The following ANKRD30B variants were observed in gnomAD, a reference collection of about 807,000 sequenced individuals.
The protein encoded by ANKRD30B is ankyrin repeat domain 30B.
ANKRD30B carries 144 observed loss-of-function variants against 202.2 expected under a neutral mutation model. That is an observed-to-expected ratio of 0.71 (90% CI 0.62 to 0.82). The LOEUF is 0.82. Ranked by LOEUF, ANKRD30B falls within the 40% of genes least tolerant of loss-of-function variation. ANKRD30B has a pLI of 0.00. For synonymous variants in ANKRD30B, 508 were observed against 561.3 expected, an observed-to-expected ratio of 0.91 and a Z score of 1.34; for missense variants, 1,487 against 1,669.1, an observed-to-expected ratio of 0.89 and a Z score of 1.90.
At chr18:14,766,605 T>C (rs1177602245) in intron 7 of ANKRD30B, among the ~76,000 whole-genome samples, 1 of 151,732 alleles carries the variant, frequency 6.6e-6, no homozygotes. Context: ...GAAACATTCA[T>C]GTGGGATATT....
chr18:14,758,051 G>A (rs1914656895), intron 5 of ANKRD30B, 99 bp downstream of exon 5: 2 of 1,348,394 alleles, frequency 1.5e-6, no homozygotes, highest in Admixed American at 2.5e-5. Flanking sequence ...CCAGAAACTA[G>A]GCAAAAAGCC....
At chr18:14,914,853 CAT>C in the ANKRD30B span, among the ~76,000 whole-genome samples, 1 of 152,118 alleles carries the variant, frequency 6.6e-6, no homozygotes, top group East Asian at 1.9e-4. Context: ...GGCCATTGGA[CAT>C]AGGGGTCTGA....
In ANKRD30B at chr18:14,786,307, A is replaced by C. The variant is rs575865181; in HGVS notation, c.1673-732A>C. Among the ~76,000 whole-genome samples the C allele has an allele frequency of 9.9e-5, 15 of 152,270 alleles. No individual in the cohort carries two copies. The East Asian group carries it at 2.9e-3, about 29-fold the overall frequency. Reference sequence around the variant, plus strand: ...GGGCCTTGATTTTATCCTATACAACATGTGGGAACGTTAGATTACTTAAGG... The same window carrying C: ...GGGCCTTGATTTTATCCTATACAACCTGTGGGAACGTTAGATTACTTAAGG... On this transcript the variant is annotated intron_variant, in intron 14 of 43. Coordinates refer to ENST00000690538, the MANE Select transcript of ANKRD30B (RefSeq NM_001367607.2).
chr18:14,796,873 T>C (rs568950562), intron 18 of ANKRD30B, among the ~76,000 whole-genome samples: 1 of 152,152 alleles, frequency 6.6e-6, no homozygotes, highest in African/African-American at 2.4e-5. Flanking sequence ...GATGGTCCCA[T>C]GTGGATGAAG....
intron 14 of ANKRD30B, among the ~76,000 whole-genome samples, chr18:14,784,828 T>C (rs772231447): frequency 8.5e-5 from 5 of 58,700 alleles, no homozygotes; most frequent in Non-Finnish European, 1.0e-4. Flanking sequence ...AGAAGGTGAA[T>C]TTTGAAACTC....
chr18:14,847,050 T>TTTTATATA (rs1555672629), intron 39 of ANKRD30B, among the ~76,000 whole-genome samples: 6 of 111,096 alleles, frequency 5.4e-5, no homozygotes, highest in African/African-American at 1.6e-4. Context: ...TGATTTAGTT[T>TTTTATATA]TATATATATA....
At chr18:14,809,649 C>T (rs1485637708) in intron 26 of ANKRD30B, among the ~76,000 whole-genome samples, 2 of 150,928 alleles carry the variant, frequency 1.3e-5, no homozygotes, top group Non-Finnish European at 3.0e-5. Context: ...TCCCTGACTG[C>T]ACGTCCATTC....
the ANKRD30B span, among the ~76,000 whole-genome samples, chr18:14,935,745 C>A: frequency 7.7e-4 from 117 of 152,326 alleles, no homozygotes; most frequent in Middle Eastern, 3.4e-3. Flanking sequence ...ATGTGTGCAT[C>A]TGTATGCCTA....
the ANKRD30B span, among the ~76,000 whole-genome samples, chr18:14,872,985 A>T: frequency 1.3e-5 from 2 of 152,098 alleles, no homozygotes; most frequent in Admixed American, 1.3e-4. Context: ...TTGATCCTGG[A>T]TGTAGAGTTG....
chr18:14,787,122 T>C, intron 15 of ANKRD30B, 22 bp downstream of exon 15: 1 of 1,590,534 alleles, frequency 6.3e-7, no homozygotes, highest in Non-Finnish European at 8.6e-7. Context: ...TATTGATTTT[T>C]TTAAATATTA....
chr18:14,867,061 A>T, the ANKRD30B span, among the ~76,000 whole-genome samples: 1 of 133,148 alleles, frequency 7.5e-6, no homozygotes, highest in African/African-American at 2.9e-5. Flanking sequence ...GGTTGGGTGC[A>T]GTACCCCGGG....
In ANKRD30B at chr18:14,852,503, T is replaced by C. The variant is rs149627373; in HGVS notation, c.4476+83T>C. ...TAAATGCTGAATCTAGTTGAATATA[T>C]ATATATATAAATAGATGATAAATGT... On this transcript the variant is annotated intron_variant, in intron 42 of 43. Coordinates refer to ENST00000690538, the MANE Select transcript of ANKRD30B (RefSeq NM_001367607.2). 3.3e-3 allele frequency: 4,672 copies of C among 1,422,008 alleles called. 140 individuals carry two copies. The African/African-American group carries it at 0.06, about 18-fold the overall frequency. The allele number at this position is 1,422,008 out of a possible 1,614,324, so 88.1% of individuals were successfully genotyped here. A position where few individuals can be genotyped will look rare whatever the true frequency, so the allele number is the denominator to read the frequency against.
In ANKRD30B at chr18:14,751,946, A is replaced by C. The variant is rs9957160; in HGVS notation, c.222-620A>C. ...ATTAAAGATTGTTTAAATTTCTGCCAAATATAGTTGTAATAAATAATGAAT... is the reference window on the plus strand; with the variant it reads ...ATTAAAGATTGTTTAAATTTCTGCCCAATATAGTTGTAATAAATAATGAAT... On this transcript the variant is annotated intron_variant, in intron 1 of 43. Coordinates refer to ENST00000690538, the MANE Select transcript of ANKRD30B (RefSeq NM_001367607.2). 5.5e-3 allele frequency among the ~76,000 whole-genome samples: 834 copies of C among 152,304 alleles called. 11 individuals are homozygous for C. Among genetic ancestry groups the C allele is most frequent in the African/African-American group, 0.018 (769 of 41,570 alleles).
At chr18:14,821,279 G>C (rs1044759174) in intron 30 of ANKRD30B, among the ~76,000 whole-genome samples, 6 of 151,546 alleles carry the variant, frequency 4.0e-5, no homozygotes, top group Admixed American at 3.9e-4. Flanking sequence ...TCTTGCTAGC[G>C]GTCTATCAAT....
intron 3 of ANKRD30B, 85 bp from the exon 4 acceptor site, chr18:14,754,814 A>G (rs1381681296): frequency 3.2e-6 from 3 of 927,000 alleles, no homozygotes; most frequent in Non-Finnish European, 4.5e-6. Context: ...TATGTGTTTA[A>G]GTTAATAGGA....
chr18:14,892,701 C>T, the ANKRD30B span, among the ~76,000 whole-genome samples: 1 of 145,758 alleles, frequency 6.9e-6, no homozygotes, highest in Non-Finnish European at 1.5e-5. Context: ...AACGGTGCCA[C>T]TGCCCTCTAG....
downstream of ANKRD30B, among the ~76,000 whole-genome samples, chr18:14,856,088 G>A (rs1349906525): frequency 3.0e-4 from 35 of 116,174 alleles, no homozygotes; most frequent in African/African-American, 7.8e-4. Context: ...TGGGGTGGCC[G>A]GGCAGAGGCG....
At chr18:14,846,940 GTTGTC>G (rs1971662351) in intron 39 of ANKRD30B, among the ~76,000 whole-genome samples, 1 of 151,294 alleles carries the variant, frequency 6.6e-6, no homozygotes, top group South Asian at 2.1e-4. Context: ...TGTGATAAAA[GTTGTC>G]TGTCACCATG....
At chr18:14,833,259 CT>C (rs1971032263) in intron 34 of ANKRD30B, among the ~76,000 whole-genome samples, 1 of 142,484 alleles carries the variant, frequency 7.0e-6, no homozygotes, top group Non-Finnish European at 1.5e-5. Flanking sequence ...TTTTTTTTTT[CT>C]TTTTTGAGAC....
Sources: gnomAD v4.1 joint callset for allele counts (sites outside exome capture counted in the v4.1 genomes callset) on GRCh38, gnomAD v4.1.1 for gene constraint, MANE v1.5 for transcripts, NCBI Gene and HGNC (gene_info 2026-07-23, HGNC 2026-07-21) for gene names.